Variants in TPST1 observed in about 807,000 individuals in gnomAD.
TPST1 encodes protein-tyrosine sulfotransferase 1.
Under a neutral mutation model 34.8 loss-of-function variants are expected in TPST1, and 20 were observed. That is an observed-to-expected ratio of 0.57 (90% CI 0.40 to 0.84). TPST1 has a LOEUF of 0.84. Ranked by LOEUF, TPST1 falls within the 40% of genes least tolerant of loss-of-function variation. TPST1 has a pLI of 0.00. For missense variants in TPST1, 353 were observed against 455.5 expected (o/e 0.78, Z 2.05); for synonymous variants, 152 against 159.4 (o/e 0.95, Z 0.35).
intron 1 of TPST1, among the ~76,000 whole-genome samples, chr7:66,210,705 T>C (rs968317718): frequency 1.3e-5 from 2 of 152,192 alleles, no homozygotes; most frequent in Admixed American, 1.3e-4. Flanking sequence ...GGCTCACACC[T>C]GTAATCCCAG....
chr7:66,263,579 G>A (rs1403364090), intron 2 of TPST1, among the ~76,000 whole-genome samples: 2 of 152,154 alleles, frequency 1.3e-5, no homozygotes, highest in Admixed American at 6.6e-5. Context: ...CCACTCCAGT[G>A]TCATAATTAC....
At chr7:66,254,697 C>A (rs1790347309) in intron 2 of TPST1, among the ~76,000 whole-genome samples, 1 of 152,206 alleles carries the variant, frequency 6.6e-6, no homozygotes, top group Admixed American at 6.5e-5. Flanking sequence ...AGCCACCATG[C>A]CCAGCCAGAT....
chr7:66,282,625 C>T (rs760579647), intron 2 of TPST1, among the ~76,000 whole-genome samples: 1 of 152,286 alleles, frequency 6.6e-6, no homozygotes, highest in Admixed American at 6.5e-5. Context: ...CTCCACTACA[C>T]TTTGCTGCCT....
intron 3 of TPST1, among the ~76,000 whole-genome samples, chr7:66,313,808 A>G (rs1431016654): frequency 6.6e-6 from 1 of 151,322 alleles, no homozygotes; most frequent in African/African-American, 2.4e-5. Flanking sequence ...CTCTCCTTAT[A>G]AAATATTTCA....
chr7:66,328,900 ATATATATT>A (rs1791934736), intron 3 of TPST1, among the ~76,000 whole-genome samples: 1 of 45,156 alleles, frequency 2.2e-5, no homozygotes, highest in Admixed American at 2.7e-4. Context: ...ATATATATAT[ATATATATT>A]TTTTTTTTTT....
intron 1 of TPST1, among the ~76,000 whole-genome samples, chr7:66,215,592 T>C (rs1213978323): frequency 6.6e-6 from 1 of 151,756 alleles, no homozygotes; most frequent in East Asian, 1.9e-4. Flanking sequence ...GCCAGGATGG[T>C]CTCGATCTCC....
chr7:66,338,031 C>A (rs1792157159), intron 3 of TPST1, among the ~76,000 whole-genome samples: 1 of 152,020 alleles, frequency 6.6e-6, no homozygotes, highest in Non-Finnish European at 1.5e-5. Context: ...TTAAATTCTT[C>A]AATTAAGAGT....
chr7:66,259,728 T>G (rs765831324), intron 2 of TPST1, among the ~76,000 whole-genome samples: 1 of 152,212 alleles, frequency 6.6e-6, no homozygotes, highest in Non-Finnish European at 1.5e-5. Context: ...ACTGGTATAT[T>G]TATTACAATC....
upstream of TPST1, among the ~76,000 whole-genome samples, chr7:66,203,352 G>A (rs141472724): frequency 6.8e-3 from 1,038 of 152,012 alleles, 14 homozygotes; most frequent in African/African-American, 0.023. Context: ...GGACCCTCCT[G>A]CCTGGGTTTC....
intron 2 of TPST1, among the ~76,000 whole-genome samples, chr7:66,250,147 G>A (rs184599567): frequency 4.6e-5 from 7 of 152,270 alleles, no homozygotes; most frequent in African/African-American, 1.4e-4. Context: ...CATTTGTTAT[G>A]TGCCAGGCAG....
upstream of TPST1, among the ~76,000 whole-genome samples, chr7:66,203,169 CCACACACATATATACACA>C (rs1254598013): frequency 6.6e-6 from 1 of 150,978 alleles, no homozygotes; most frequent in African/African-American, 2.4e-5. Context: ...GTGTATACAC[CCACACACATATATACACA>C]CACACACATA....
chr7:66,308,726 C>A (rs1267001483), intron 3 of TPST1, among the ~76,000 whole-genome samples: 5 of 152,154 alleles, frequency 3.3e-5, no homozygotes, highest in African/African-American at 1.2e-4. Flanking sequence ...CTGCAGCGAA[C>A]AAGCACTAAA....
At chr7:66,353,659 T>C (rs811880) in intron 4 of TPST1, among the ~76,000 whole-genome samples, 61,708 of 151,998 alleles carry the variant, frequency 0.41, 12,872 homozygotes, top group East Asian at 0.64. Context: ...AAATGGACAC[T>C]CATGGCCTGA....
intron 3 of TPST1, among the ~76,000 whole-genome samples, chr7:66,320,468 C>T (rs1159827181): frequency 6.6e-6 from 1 of 151,612 alleles, no homozygotes; most frequent in Non-Finnish European, 1.5e-5. Flanking sequence ...AGGATGGTCT[C>T]GATCTCCTGA....
intron 3 of TPST1, among the ~76,000 whole-genome samples, chr7:66,326,326 T>G (rs1791866172): frequency 6.6e-6 from 1 of 152,206 alleles, no homozygotes; most frequent in Non-Finnish European, 1.5e-5. Flanking sequence ...GCATTCAGAA[T>G]GCCCTGTGAG....
intron 3 of TPST1, among the ~76,000 whole-genome samples, chr7:66,315,792 G>A (rs112907954): frequency 5.9e-5 from 9 of 152,056 alleles, no homozygotes; most frequent in African/African-American, 2.2e-4. Flanking sequence ...ATGATTCTAA[G>A]TTCAATCAGG....
rs375202888 is a variant in TPST1, at chr7:66,327,526, C to G, written c.1045-24979C>G. ...TCGCTTGAACCCAGGAGTTTGAGAC[C>G]AGGATGGGCAAAATGGCAAAACCCT... On this transcript the variant is annotated intron_variant, in intron 3 of 5. Coordinates refer to ENST00000304842, the MANE Select transcript of TPST1 (RefSeq NM_003596.4). Among the ~76,000 whole-genome samples, 122 of 152,012 alleles carry G rather than the reference C, an allele frequency of 8.0e-4. 3 individuals are homozygous for G. In the South Asian group the frequency reaches 0.025, roughly 31 times the overall value.
intron 2 of TPST1, among the ~76,000 whole-genome samples, chr7:66,248,269 T>TC (rs1351738786): frequency 6.6e-6 from 1 of 152,144 alleles, no homozygotes; most frequent in African/African-American, 2.4e-5. Flanking sequence ...ACCCTTTTTT[T>TC]CAAGTGAAAT....
intron 3 of TPST1, among the ~76,000 whole-genome samples, chr7:66,307,531 T>C (rs1016784194): frequency 2.6e-5 from 4 of 152,170 alleles, no homozygotes; most frequent in Non-Finnish European, 5.9e-5. Flanking sequence ...GACAGAAATG[T>C]TGTGGGCAGA....
Sources: allele counts gnomAD v4.1 joint callset (sites outside exome capture counted in the v4.1 genomes callset), GRCh38; gene constraint gnomAD v4.1.1; transcripts MANE v1.5; gene names NCBI Gene and HGNC (gene_info 2026-07-23, HGNC 2026-07-21).